Variants in WWOX observed in about 807,000 individuals in gnomAD.
The protein encoded by WWOX is WW domain-containing oxidoreductase.
WWOX carries 69 observed loss-of-function variants against 46.2 expected under a neutral mutation model. The observed-to-expected ratio is 1.49, with a 90% CI of 1.23 to 1.82. WWOX has a LOEUF of 1.82. Among genes scored for constraint, WWOX ranks in the 40% most tolerant of loss-of-function variants. The probability of loss-of-function intolerance (pLI) is 0.00; values close to 1 mark genes in which losing one functional copy is unlikely to be tolerated. For missense variants in WWOX, 919 were observed against 542.6 expected, an observed-to-expected ratio of 1.69 and a Z score of -6.89; for synonymous variants, 359 against 202.6, an observed-to-expected ratio of 1.77 and a Z score of -6.56.
chr16:79,119,590 A>C (rs2049586351), intron 8 of WWOX, among the ~76,000 whole-genome samples: 1 of 152,242 alleles, frequency 6.6e-6, no homozygotes, highest in Admixed American at 6.5e-5. Flanking sequence ...TTTTCCAACA[A>C]GGCAACTAAG....
At chr16:78,615,828 G>A (rs939434652) in intron 8 of WWOX, among the ~76,000 whole-genome samples, 37 of 151,194 alleles carry the variant, frequency 2.4e-4, no homozygotes, top group African/African-American at 8.5e-4. Context: ...TCCGCTCACT[G>A]TAAGCTCCGC....
chr16:78,356,071 T>TAAAAACAAAAAA (rs2081280320), intron 5 of WWOX, among the ~76,000 whole-genome samples: 1 of 76,124 alleles, frequency 1.3e-5, no homozygotes, highest in Non-Finnish European at 2.5e-5. Flanking sequence ...TTTTTTTTCC[T>TAAAAACAAAAAA]AAAAAAAAAA....
intron 8 of WWOX, among the ~76,000 whole-genome samples, chr16:78,702,059 G>T (rs1195723434): frequency 1.8e-4 from 15 of 84,676 alleles, no homozygotes; most frequent in South Asian, 3.7e-4. Flanking sequence ...TAATGCAGAA[G>T]TTTTATATAT....
rs987280982 is a variant in WWOX, at chr16:78,897,194, A to T, written c.1057-314414A>T. Reference sequence around the variant, plus strand: ...GGGAGGCAGAGGTTGCAGTGAGCCAAGATGGCACTGCTGCACTCTAGCCTG... The same window carrying T: ...GGGAGGCAGAGGTTGCAGTGAGCCATGATGGCACTGCTGCACTCTAGCCTG... On this transcript the variant is annotated intron_variant, in intron 8 of 8. Coordinates refer to ENST00000566780, the MANE Select transcript of WWOX (RefSeq NM_016373.4). The T allele has an allele frequency of 6.5e-5, 9 of 138,014 alleles. No homozygotes were observed. In the South Asian group the frequency reaches 1.0e-3, roughly 16 times the overall value. 8.5% of individuals were successfully genotyped at this position (138,014 alleles called of 1,614,324 possible).
At chr16:78,328,029 C>G (rs1045766649) in intron 5 of WWOX, among the ~76,000 whole-genome samples, 3 of 151,992 alleles carry the variant, frequency 2.0e-5, no homozygotes, top group African/African-American at 7.2e-5. Flanking sequence ...GTTTGTACCA[C>G]CTTGCCTGGC....
chr16:78,900,057 CTTT>C lies in WWOX; in HGVS notation c.1057-311531_1057-311529del, dbSNP rs754732541. Among the ~76,000 whole-genome samples the C allele has an allele frequency of 7.8e-5, 8 of 102,174 alleles. No individual in the cohort carries two copies. In the East Asian group the frequency reaches 1.4e-3, roughly 18 times the overall value. 67.0% of individuals were successfully genotyped at this position (102,174 alleles called of 152,430 possible). The stretch of plus-strand genomic sequence containing the variant: ...ATGTGCAATATACAAGCCCTCCTGA[CTTT>C]TTTTTTTTTTTTTTTTTTTCCTGCA... On this transcript the variant is annotated intron_variant, in intron 8 of 8. Coordinates refer to ENST00000566780, the MANE Select transcript of WWOX (RefSeq NM_016373.4).
chr16:79,175,709 T>C (rs999495277), intron 8 of WWOX, among the ~76,000 whole-genome samples: 2 of 152,178 alleles, frequency 1.3e-5, no homozygotes, highest in Non-Finnish European at 2.9e-5. Flanking sequence ...CTGTTCTGTG[T>C]CCTGGCACCG....
At chr16:79,003,533 A>G (rs759191900) in intron 8 of WWOX, among the ~76,000 whole-genome samples, 1 of 152,138 alleles carries the variant, frequency 6.6e-6, no homozygotes, top group African/African-American at 2.4e-5. Context: ...TGGCTGGTTG[A>G]GTCTCCTCTT....
intron 8 of WWOX, among the ~76,000 whole-genome samples, chr16:79,126,842 T>C (rs1597397469): frequency 6.6e-6 from 1 of 152,058 alleles, no homozygotes; most frequent in Admixed American, 6.5e-5. Context: ...ACAGGGAATT[T>C]TGGAACAGGA....
intron 8 of WWOX, among the ~76,000 whole-genome samples, chr16:79,187,569 C>A (rs1177811256): frequency 6.6e-6 from 1 of 152,178 alleles, no homozygotes; most frequent in African/African-American, 2.4e-5. Context: ...ACACCGCCAC[C>A]ACGCCCAGCT....
chr16:78,430,639 A>G (rs1031535789), intron 7 of WWOX, among the ~76,000 whole-genome samples: 1 of 152,140 alleles, frequency 6.6e-6, no homozygotes, highest in African/African-American at 2.4e-5. Context: ...TGCCTTAGAC[A>G]ATTAAGCTTG....
intron 7 of WWOX, among the ~76,000 whole-genome samples, chr16:78,427,727 T>C (rs902367417): frequency 6.6e-6 from 1 of 152,048 alleles, no homozygotes; most frequent in African/African-American, 2.4e-5. Flanking sequence ...GCGGTAAGCG[T>C]TGATCATGCC....
chr16:78,315,586 G>A (rs903831691), intron 5 of WWOX, among the ~76,000 whole-genome samples: 1 of 152,140 alleles, frequency 6.6e-6, no homozygotes, highest in African/African-American at 2.4e-5. Context: ...GGAAGCAGAG[G>A]TTGTAGTGAG....
intron 8 of WWOX, among the ~76,000 whole-genome samples, chr16:78,905,571 G>A (rs950738345): frequency 6.6e-6 from 1 of 151,936 alleles, no homozygotes; most frequent in African/African-American, 2.4e-5. Flanking sequence ...TGTAGAAATG[G>A]GGTCTCACCA....
chr16:78,387,448 A>AT (rs992883185), intron 6 of WWOX, among the ~76,000 whole-genome samples: 1 of 149,282 alleles, frequency 6.7e-6, no homozygotes, highest in African/African-American at 2.4e-5. Context: ...CCTTTTATTT[A>AT]TTTTTTTTCA....
intron 8 of WWOX, among the ~76,000 whole-genome samples, chr16:78,739,407 T>C (rs1159536246): frequency 6.6e-6 from 1 of 152,196 alleles, no homozygotes; most frequent in Non-Finnish European, 1.5e-5. Flanking sequence ...GGATGTCATG[T>C]GCTTTCAGAA....
chr16:78,604,193 G>T (rs938104241), intron 8 of WWOX, among the ~76,000 whole-genome samples: 1 of 152,084 alleles, frequency 6.6e-6, no homozygotes, highest in Non-Finnish European at 1.5e-5. Context: ...CACAAATTCA[G>T]ATGCATGTGG....
chr16:78,455,176 C>T (rs780028081), intron 8 of WWOX, among the ~76,000 whole-genome samples: 2 of 152,112 alleles, frequency 1.3e-5, no homozygotes, highest in Non-Finnish European at 2.9e-5. Flanking sequence ...ACAGAGATGA[C>T]GTCTTTACTG....
intron 8 of WWOX, among the ~76,000 whole-genome samples, chr16:78,953,210 C>G (rs1338307059): frequency 1.3e-5 from 2 of 151,764 alleles, no homozygotes; most frequent in South Asian, 2.1e-4. Context: ...AAGTGTTCCC[C>G]TTTGGACCTA....
Sources: gnomAD v4.1 joint callset for allele counts (sites outside exome capture counted in the v4.1 genomes callset) on GRCh38, gnomAD v4.1.1 for gene constraint, MANE v1.5 for transcripts, NCBI Gene and HGNC (gene_info 2026-07-23, HGNC 2026-07-21) for gene names.